The following CDH4 variants were observed in gnomAD, a reference collection of about 807,000 sequenced individuals.
CDH4 encodes the protein cadherin-4.
CDH4 carries 33 observed loss-of-function variants against 86.0 expected under a neutral mutation model. That is an observed-to-expected ratio of 0.38 (90% CI 0.29 to 0.51). The LOEUF is 0.51. Among genes scored for constraint, CDH4 ranks in the 20% least tolerant of loss-of-function variants. CDH4 has a pLI of 0.86. For synonymous variants in CDH4, 555 were observed against 549.4 expected (o/e 1.01, Z -0.14); for missense variants, 1,114 against 1,307.4 (o/e 0.85, Z 2.28).
chr20:61,261,595 G>GTATTTGCT (rs1363823242), intron 2 of CDH4, among the ~76,000 whole-genome samples: 2 of 152,142 alleles, frequency 1.3e-5, no homozygotes, highest in Non-Finnish European at 2.9e-5. Context: ...TGGCCTAAGG[G>GTATTTGCT]TAGGAGATTT....
chr20:61,638,030 T>TACAAAAAA (rs1555817361), intron 2 of CDH4, among the ~76,000 whole-genome samples: 24 of 141,446 alleles, frequency 1.7e-4, no homozygotes, highest in African/African-American at 6.2e-4. Context: ...AAACTCCGTC[T>TACAAAAAA]AAAAAAAAAA....
chr20:61,273,733 G>T (rs2084202268), intron 2 of CDH4, among the ~76,000 whole-genome samples: 1 of 148,594 alleles, frequency 6.7e-6, no homozygotes, highest in African/African-American at 2.5e-5. Flanking sequence ...GCATTTTGGG[G>T]AAGTACCATG....
chr20:61,722,341 G>A (rs887096547), intron 2 of CDH4, among the ~76,000 whole-genome samples: 10 of 152,258 alleles, frequency 6.6e-5, no homozygotes, highest in South Asian at 2.1e-4. Context: ...GCCAGCCGCC[G>A]TCATCAGCAC....
intron 7 of CDH4, among the ~76,000 whole-genome samples, chr20:61,894,570 T>C (rs1262742320): frequency 1.3e-5 from 2 of 152,316 alleles, no homozygotes; most frequent in East Asian, 3.9e-4. Flanking sequence ...CTAGACCGAA[T>C]GCAACCCCAG....
chr20:61,481,476 T>C (rs6121621), intron 2 of CDH4, among the ~76,000 whole-genome samples: 9,212 of 152,332 alleles, frequency 0.06, 986 homozygotes, highest in African/African-American at 0.21. Context: ...TTATTTCTGT[T>C]GTCAAGTCTA....
At chr20:61,590,173 G>T (rs1429051552) in intron 2 of CDH4, among the ~76,000 whole-genome samples, 1 of 140,540 alleles carries the variant, frequency 7.1e-6, no homozygotes, top group Non-Finnish European at 1.6e-5. Flanking sequence ...AGGGATGGGT[G>T]GGGGGAGGAG....
intron 2 of CDH4, among the ~76,000 whole-genome samples, chr20:61,379,379 C>T (rs576120200): frequency 2.6e-5 from 4 of 152,058 alleles, no homozygotes; most frequent in Non-Finnish European, 5.9e-5. Flanking sequence ...CAGACAACCA[C>T]GTAGAGTCAT....
At chr20:61,276,710 A>T (rs548258073) in intron 2 of CDH4, among the ~76,000 whole-genome samples, 1 of 152,304 alleles carries the variant, frequency 6.6e-6, no homozygotes, top group Admixed American at 6.5e-5. Context: ...GGTCCTGGGC[A>T]GTGGAGATTC....
chr20:61,843,456 CAAAAAAAAAAA>C (rs869283452), intron 4 of CDH4, among the ~76,000 whole-genome samples: 130 of 58,844 alleles, frequency 2.2e-3, no homozygotes, highest in African/African-American at 9.5e-3. Context: ...GACTCCGTCT[CAAAAAAAAAAA>C]AAAAAAAAAA....
intron 2 of CDH4, among the ~76,000 whole-genome samples, chr20:61,400,391 C>T (rs374163704): frequency 6.6e-6 from 1 of 152,286 alleles, no homozygotes; most frequent in South Asian, 2.1e-4. Flanking sequence ...AGTGATGCTG[C>T]ACTGGGGGTA....
chr20:61,748,682 G>C (rs780481124), intron 3 of CDH4, among the ~76,000 whole-genome samples: 4 of 152,114 alleles, frequency 2.6e-5, no homozygotes, highest in Non-Finnish European at 4.4e-5. Context: ...TTTGAGAAGG[G>C]ATAAATGGAA....
intron 4 of CDH4, among the ~76,000 whole-genome samples, chr20:61,833,209 A>G (rs910559761): frequency 4.6e-5 from 7 of 152,072 alleles, no homozygotes; most frequent in South Asian, 2.1e-4. Context: ...AGCCAGTTAC[A>G]TTGGGATTTC....
chr20:61,352,404 G>C (rs2084718024), intron 2 of CDH4, among the ~76,000 whole-genome samples: 1 of 152,148 alleles, frequency 6.6e-6, no homozygotes, highest in South Asian at 2.1e-4. Flanking sequence ...TCCCTCATGA[G>C]AGCCAGTGTT....
chr20:61,767,068 C>T (rs1380589744), intron 3 of CDH4, among the ~76,000 whole-genome samples: 1 of 152,200 alleles, frequency 6.6e-6, no homozygotes, highest in Non-Finnish European at 1.5e-5. Flanking sequence ...GCTTGATGTC[C>T]TCTGTGTGCT....
chr20:61,487,994 C>A (rs1304918274), intron 2 of CDH4, among the ~76,000 whole-genome samples: 2 of 152,198 alleles, frequency 1.3e-5, no homozygotes, highest in Admixed American at 6.5e-5. Context: ...TTGTCACCCC[C>A]AGAGGCAAAT....
intron 2 of CDH4, among the ~76,000 whole-genome samples, chr20:61,485,877 C>A (rs999848144): frequency 6.6e-6 from 1 of 152,230 alleles, no homozygotes; most frequent in Non-Finnish European, 1.5e-5. Flanking sequence ...CGTCTACACT[C>A]CACGTTCCTC....
intron 2 of CDH4, among the ~76,000 whole-genome samples, chr20:61,488,287 G>A (rs574909723): frequency 2.6e-5 from 4 of 152,284 alleles, no homozygotes; most frequent in East Asian, 1.9e-4. Context: ...TGTGACCAGC[G>A]GCCACAACAG....
At chr20:61,759,362 C>T (rs980731722) in intron 3 of CDH4, among the ~76,000 whole-genome samples, 1 of 152,206 alleles carries the variant, frequency 6.6e-6, no homozygotes, top group Non-Finnish European at 1.5e-5. Flanking sequence ...GAAAGATTCC[C>T]AGCAAGAACA....
intron 2 of CDH4, among the ~76,000 whole-genome samples, chr20:61,418,833 C>T (rs2085161437): frequency 6.6e-6 from 1 of 152,072 alleles, no homozygotes. Flanking sequence ...GATTATATGG[C>T]AGCACCCCCA....
Sources: gnomAD v4.1 joint callset for allele counts (sites outside exome capture counted in the v4.1 genomes callset) on GRCh38, gnomAD v4.1.1 for gene constraint, MANE v1.5 for transcripts, NCBI Gene and HGNC (gene_info 2026-07-23, HGNC 2026-07-21) for gene names.